Variants in LRP2BP observed in about 807,000 individuals in gnomAD.
LRP2BP encodes LRP2-binding protein.
A neutral mutation model predicts 45.2 loss-of-function variants in LRP2BP; 38 were observed. The observed-to-expected ratio is 0.84, with a 90% CI of 0.65 to 1.10. The LOEUF (loss-of-function observed/expected upper bound fraction) is 1.10. LRP2BP is among the 50% of genes least tolerant of loss of function. The probability of loss-of-function intolerance (pLI) is 0.00; values close to 1 mark genes in which losing one functional copy is unlikely to be tolerated. For synonymous variants in LRP2BP, 153 were observed against 153.9 expected (o/e 0.99, Z 0.04); for missense variants, 385 against 418.9 (o/e 0.92, Z 0.71).
rs1177558711 is a variant in LRP2BP, at chr4:185,395,448, TAAAC to T, written c.-695_-692del. 1.4e-5 allele frequency: 14 copies of T among 985,072 alleles called. No homozygotes were observed. Among genetic ancestry groups the T allele is most frequent in the East Asian group, 2.3e-4 (2 of 8,810 alleles). 61.0% of individuals were successfully genotyped at this position (985,072 alleles called of 1,614,324 possible). A position where few individuals can be genotyped will look rare whatever the true frequency, so the allele number is the denominator to read the frequency against. ...TAAAAAGCAGTGCTTATTGAATTGA[TAAAC>T]AAAAGCGAAACTGGCAATATCAACG... On this transcript the variant is annotated 5_prime_UTR_variant, in exon 1 of 9. Coordinates refer to ENST00000505916, the MANE Select transcript of LRP2BP (RefSeq NM_001377440.1).
chr4:185,378,964 T>C lies in LRP2BP; in HGVS notation c.-21-757A>G, dbSNP rs539327282. On this transcript the variant is annotated intron_variant, in intron 1 of 8. Coordinates refer to ENST00000505916, the MANE Select transcript of LRP2BP (RefSeq NM_001377440.1). ...AGAAATAGAGAGACCCTTAGTGTGA[T>C]TGGAAAGCTGCATTTTTATATCATT... The C allele has an allele frequency of 2.1e-5, 21 of 985,288 alleles. No homozygotes were observed. In the South Asian group the frequency reaches 7.0e-4, roughly 33 times the overall value. The allele number at this position is 985,288 out of a possible 1,614,324, so 61.0% of individuals were successfully genotyped here.
intron 5 of LRP2BP, 31 bp downstream of exon 5, chr4:185,374,288 C>A: frequency 1.2e-6 from 2 of 1,614,096 alleles, no homozygotes; most frequent in Non-Finnish European, 1.7e-6. Context: ...GCATTTCCTT[C>A]AAACCTAATC....
At chr4:185,385,661 G>T (rs1580005488) in intron 1 of LRP2BP, among the ~76,000 whole-genome samples, 1 of 152,176 alleles carries the variant, frequency 6.6e-6, no homozygotes, top group South Asian at 2.1e-4. Flanking sequence ...CCAGCACTTT[G>T]TGAGGCTAAG....
At chr4:185,392,872 G>A (rs899583245) in intron 1 of LRP2BP, among the ~76,000 whole-genome samples, 3 of 152,192 alleles carry the variant, frequency 2.0e-5, no homozygotes, top group Non-Finnish European at 2.9e-5. Flanking sequence ...ATGCTTTGGC[G>A]TTATGATATT....
rs2095384545 is a variant in LRP2BP at position 185,365,625 on chromosome 4, A to T, written c.*1555T>A. Reference sequence around the variant, plus strand: ...CGCCTCAGCCTCCCAAAGTGCTGGGATTACAGACGTGAGCCACTGCGCCGG... The same window carrying T: ...CGCCTCAGCCTCCCAAAGTGCTGGGTTTACAGACGTGAGCCACTGCGCCGG... On this transcript the variant is annotated 3_prime_UTR_variant, in exon 9 of 9. Coordinates refer to ENST00000505916, the MANE Select transcript of LRP2BP (RefSeq NM_001377440.1). 6.6e-6 allele frequency: 1 copy of T among 150,468 alleles called. No individual in the cohort carries two copies. The highest frequency in any genetic ancestry group is 2.1e-4 in the South Asian group (1 of 4,802). The allele number at this position is 150,468 out of a possible 1,614,324, so 9.3% of individuals were successfully genotyped here.
At chr4:185,387,210 G>C (rs938602605) in intron 1 of LRP2BP, among the ~76,000 whole-genome samples, 1 of 152,158 alleles carries the variant, frequency 6.6e-6, no homozygotes, top group Admixed American at 6.5e-5. Context: ...TGCAGCCTGG[G>C]TGACAGAGCG....
intron 8 of LRP2BP, chr4:185,369,909 AG>A (rs1215996291): frequency 6.4e-6 from 2 of 312,954 alleles, no homozygotes; most frequent in Non-Finnish European, 1.3e-5. Context: ...CAAGGGACTC[AG>A]AAGACTCCCC....
chr4:185,378,380 C>T (rs960425129), intron 1 of LRP2BP, 173 bp from the exon 2 acceptor site: 26 of 1,395,746 alleles, frequency 1.9e-5, no homozygotes, highest in Middle Eastern at 3.9e-4. Context: ...GACACCAAGA[C>T]CCTCCTCCCT....
chr4:185,367,010 A>C lies in LRP2BP; in HGVS notation c.*170T>G, dbSNP rs2095390230. On this transcript the variant is annotated 3_prime_UTR_variant, in exon 9 of 9. Transcript: ENST00000505916. ...AATTTGACCTTGTGTCTAGGTTTCA[A>C]GTTGCAAAACTTAACAGCGTACGAA... The C allele has an allele frequency of 3.3e-6, 2 of 603,978 alleles. No homozygotes were observed. The highest frequency in any genetic ancestry group is 3.2e-4 in the Middle Eastern group (1 of 3,128). 37.4% of individuals were successfully genotyped at this position (603,978 alleles called of 1,614,324 possible). A position where few individuals can be genotyped will look rare whatever the true frequency, so the allele number is the denominator to read the frequency against.
intron 8 of LRP2BP, among the ~76,000 whole-genome samples, chr4:185,368,940 T>C (rs2095403726): frequency 6.6e-6 from 1 of 151,090 alleles, no homozygotes; most frequent in Non-Finnish European, 1.5e-5. Context: ...ACTATGGACA[T>C]GCGTTACCAT....
At chr4:185,375,357 G>A (rs1482891979) in intron 4 of LRP2BP, among the ~76,000 whole-genome samples, 2 of 145,076 alleles carry the variant, frequency 1.4e-5, no homozygotes, top group Non-Finnish European at 3.0e-5. Flanking sequence ...TGTGAAGGCT[G>A]AGGCAGAAGA....
intron 3 of LRP2BP, among the ~76,000 whole-genome samples, chr4:185,376,443 C>CTTTTTTTTTTTTT (rs34024562): frequency 5.1e-4 from 54 of 105,796 alleles, no homozygotes; most frequent in African/African-American, 1.6e-3. Context: ...TGCCCAGCTA[C>CTTTTTTTTTTTTT]TTTTTTTTTT....
intron 3 of LRP2BP, among the ~76,000 whole-genome samples, chr4:185,376,443 CTTTTTT>C (rs34024562): frequency 0.064 from 6,821 of 105,806 alleles, 172 homozygotes; most frequent in South Asian, 0.11. Context: ...TGCCCAGCTA[CTTTTTT>C]TTTTTTTTTT....
intron 7 of LRP2BP, among the ~76,000 whole-genome samples, chr4:185,372,501 T>G (rs2095419334): frequency 6.6e-6 from 1 of 152,248 alleles, no homozygotes; most frequent in African/African-American, 2.4e-5. Context: ...GAACATGTAG[T>G]AGGCATTCTT....
At position 185,366,650 on chromosome 4, in the gene LRP2BP, T is replaced by C. The variant is rs1222755886; in HGVS notation, c.*530A>G. 1 of 152,246 alleles carries C rather than the reference T, an allele frequency of 6.6e-6. No homozygotes were observed. Among genetic ancestry groups the C allele is most frequent in the Non-Finnish European group, 1.5e-5 (1 of 68,040 alleles). The allele number at this position is 152,246 out of a possible 1,614,324, so 9.4% of individuals were successfully genotyped here. Reference sequence around the variant, plus strand: ...ACTTATTTAAGTTTAATTCTTTAAATGTCTTTTACCCTTAGTTTTGTGAAA... The same window carrying C: ...ACTTATTTAAGTTTAATTCTTTAAACGTCTTTTACCCTTAGTTTTGTGAAA... On this transcript the variant is annotated 3_prime_UTR_variant, in exon 9 of 9. Coordinates refer to ENST00000505916, the MANE Select transcript of LRP2BP (RefSeq NM_001377440.1).
At chr4:185,385,907 G>GGA (rs1554020213) in intron 1 of LRP2BP, among the ~76,000 whole-genome samples, 1 of 76,860 alleles carries the variant, frequency 1.3e-5, no homozygotes, top group Non-Finnish European at 3.4e-5. Context: ...TCTCGGGGAG[G>GGA]GGGGGGGGGA....
intron 4 of LRP2BP, among the ~76,000 whole-genome samples, 178 bp downstream of exon 4, chr4:185,375,435 G>A (rs1296976433): frequency 1.8e-4 from 18 of 99,984 alleles, no homozygotes; most frequent in Non-Finnish European, 2.8e-4. Context: ...CAGCCTGGGC[G>A]ACAGAGCGAG....
intron 1 of LRP2BP, chr4:185,379,140 G>T: frequency 4.4e-6 from 1 of 227,170 alleles, no homozygotes; most frequent in East Asian, 1.8e-4. Context: ...TCATCTTTAA[G>T]TTGGACTATA....
intron 1 of LRP2BP, among the ~76,000 whole-genome samples, chr4:185,385,395 TA>T (rs1367509626): frequency 6.6e-6 from 1 of 152,072 alleles, no homozygotes; most frequent in Non-Finnish European, 1.5e-5. Flanking sequence ...AAGTGTGACA[TA>T]AATCATAAAA....
Sources: allele counts gnomAD v4.1 joint callset (sites outside exome capture counted in the v4.1 genomes callset), GRCh38; gene constraint gnomAD v4.1.1; transcripts MANE v1.5; gene names NCBI Gene and HGNC (gene_info 2026-07-23, HGNC 2026-07-21).